The following ADAMTS3 variants were observed in gnomAD, a reference collection of about 807,000 sequenced individuals.
ADAMTS3 encodes the protein ADAM metallopeptidase with thrombospondin type 1 motif 3.
ADAMTS3 carries 73 observed loss-of-function variants against 129.0 expected under a neutral mutation model. The ratio of observed to expected loss-of-function variants is 0.57; its 90% CI spans 0.47 to 0.69. The LOEUF is 0.69. ADAMTS3 is among the 30% of genes least tolerant of loss of function. The pLI is 0.00. For synonymous variants in ADAMTS3, 477 were observed against 510.8 expected, an observed-to-expected ratio of 0.93 and a Z score of 0.89; for missense variants, 1,457 against 1,514.5, an observed-to-expected ratio of 0.96 and a Z score of 0.63.
chr4:72,403,607 G>T (rs1000276451), intron 4 of ADAMTS3, among the ~76,000 whole-genome samples: 1 of 151,908 alleles, frequency 6.6e-6, no homozygotes, highest in Non-Finnish European at 1.5e-5. Flanking sequence ...CATGTGGTAA[G>T]GTGTGCTTGA....
At chr4:72,390,893 T>TAA (rs33953807) in intron 4 of ADAMTS3, among the ~76,000 whole-genome samples, 3 of 145,368 alleles carry the variant, frequency 2.1e-5, no homozygotes, top group Admixed American at 1.4e-4. Context: ...TAGAAAAAAT[T>TAA]AAAAAAAAAA....
At chr4:72,452,492 A>G (rs935810182) in intron 3 of ADAMTS3, among the ~76,000 whole-genome samples, 7 of 151,766 alleles carry the variant, frequency 4.6e-5, no homozygotes, top group Non-Finnish European at 1.0e-4. Context: ...ATATAATTGT[A>G]TGCTTGAAAT....
At chr4:72,478,040 G>A (rs571975140) in intron 3 of ADAMTS3, among the ~76,000 whole-genome samples, 78 of 152,244 alleles carry the variant, frequency 5.1e-4, no homozygotes, top group Non-Finnish European at 9.6e-4. Context: ...TGAAATTGTG[G>A]CAATAATCAA....
At chr4:72,501,177 G>T (rs935004826) in intron 3 of ADAMTS3, among the ~76,000 whole-genome samples, 1 of 151,988 alleles carries the variant, frequency 6.6e-6, no homozygotes, top group Non-Finnish European at 1.5e-5. Flanking sequence ...GAGAGGACTC[G>T]CAATGTGTCT....
intron 3 of ADAMTS3, among the ~76,000 whole-genome samples, chr4:72,448,300 G>C (rs1718308503): frequency 6.6e-6 from 1 of 151,764 alleles, no homozygotes; most frequent in African/African-American, 2.4e-5. Flanking sequence ...TATATAAGTA[G>C]GCAGTGAGTT....
chr4:72,545,197 G>C (rs528592885), intron 3 of ADAMTS3, among the ~76,000 whole-genome samples: 1 of 151,976 alleles, frequency 6.6e-6, no homozygotes, highest in Non-Finnish European at 1.5e-5. Context: ...AATGAAAAAG[G>C]CTTGACATAT....
At chr4:72,343,999 T>C (rs999446201) in intron 4 of ADAMTS3, among the ~76,000 whole-genome samples, 25 of 152,336 alleles carry the variant, frequency 1.6e-4, no homozygotes, top group African/African-American at 5.8e-4. Flanking sequence ...TTGTATCCTT[T>C]TGTGCACCCC....
At chr4:72,384,512 T>G (rs982252890) in intron 4 of ADAMTS3, among the ~76,000 whole-genome samples, 6 of 152,154 alleles carry the variant, frequency 3.9e-5, no homozygotes, top group Admixed American at 2.6e-4. Context: ...TAGAAAAATG[T>G]CACCAAAGTG....
chr4:72,520,300 A>G (rs1720628374), intron 3 of ADAMTS3, among the ~76,000 whole-genome samples: 1 of 152,206 alleles, frequency 6.6e-6, no homozygotes, highest in Admixed American at 6.5e-5. Context: ...TCAGGGACCC[A>G]CTTGAGGAGG....
intron 3 of ADAMTS3, among the ~76,000 whole-genome samples, chr4:72,438,008 G>T (rs1238375786): frequency 2.6e-5 from 4 of 151,510 alleles, no homozygotes; most frequent in African/African-American, 4.8e-5. Context: ...GTTTTTTGTT[G>T]TTGTTTCTTT....
chr4:72,436,094 A>C (rs1233271772), intron 3 of ADAMTS3, among the ~76,000 whole-genome samples: 1 of 152,000 alleles, frequency 6.6e-6, no homozygotes, highest in Non-Finnish European at 1.5e-5. Flanking sequence ...AAATTTTTGC[A>C]ATCTACCCAT....
At chr4:72,358,569 G>C (rs1720640898) in intron 4 of ADAMTS3, among the ~76,000 whole-genome samples, 1 of 151,858 alleles carries the variant, frequency 6.6e-6, no homozygotes, top group South Asian at 2.1e-4. Context: ...TTGGACGATA[G>C]AATCAAATAT....
chr4:72,520,282 G>A (rs991146316), intron 3 of ADAMTS3, among the ~76,000 whole-genome samples: 5 of 152,190 alleles, frequency 3.3e-5, no homozygotes, highest in African/African-American at 4.8e-5. Flanking sequence ...CTGCTCGGGG[G>A]TCAGGGGTCA....
At chr4:72,455,423 A>G (rs189808967) in intron 3 of ADAMTS3, among the ~76,000 whole-genome samples, 1 of 151,518 alleles carries the variant, frequency 6.6e-6, no homozygotes, top group African/African-American at 2.4e-5. Context: ...GAGTTGAACA[A>G]TGAGAACATA....
intron 4 of ADAMTS3, among the ~76,000 whole-genome samples, chr4:72,346,255 A>G (rs894411769): frequency 6.6e-6 from 1 of 152,100 alleles, no homozygotes; most frequent in African/African-American, 2.4e-5. Flanking sequence ...GCCAGAATTG[A>G]ATCACAGGGG....
intron 3 of ADAMTS3, among the ~76,000 whole-genome samples, chr4:72,463,337 T>C (rs1000648761): frequency 6.6e-6 from 1 of 152,020 alleles, no homozygotes; most frequent in Non-Finnish European, 1.5e-5. Context: ...GGCATGACTG[T>C]AATGGGTACG....
intron 3 of ADAMTS3, among the ~76,000 whole-genome samples, chr4:72,503,451 C>T (rs562678208): frequency 6.6e-6 from 1 of 152,178 alleles, no homozygotes; most frequent in South Asian, 2.1e-4. Flanking sequence ...TATTTTTATT[C>T]CACTGTGGTC....
chr4:72,331,756 G>C (rs1295807771), intron 5 of ADAMTS3, among the ~76,000 whole-genome samples: 1 of 152,034 alleles, frequency 6.6e-6, no homozygotes, highest in Non-Finnish European at 1.5e-5. Context: ...TTTCTAGCAG[G>C]AAAATGCCAG....
chr4:72,533,923 G>A (rs990267843), intron 3 of ADAMTS3, among the ~76,000 whole-genome samples: 10 of 152,098 alleles, frequency 6.6e-5, no homozygotes, highest in Non-Finnish European at 1.5e-4. Context: ...TTCTTTTGCA[G>A]GCCATAATTA....
Sources: gnomAD v4.1 joint callset for allele counts (sites outside exome capture counted in the v4.1 genomes callset) on GRCh38, gnomAD v4.1.1 for gene constraint, MANE v1.5 for transcripts, NCBI Gene and HGNC (gene_info 2026-07-23, HGNC 2026-07-21) for gene names.